Variants in NUP153 observed in about 807,000 individuals in gnomAD.
NUP153 encodes nucleoporin 153.
Under a neutral mutation model 134.6 loss-of-function variants are expected in NUP153, and 27 were observed. The ratio of observed to expected loss-of-function variants is 0.20; its 90% CI spans 0.15 to 0.28. The LOEUF (loss-of-function observed/expected upper bound fraction) is 0.28. NUP153 is among the 10% of genes least tolerant of loss of function. The probability of loss-of-function intolerance (pLI) is 1.00; values close to 1 mark genes in which losing one functional copy is unlikely to be tolerated. For missense variants in NUP153, 1,821 were observed against 1,731.3 expected, an observed-to-expected ratio of 1.05 and a Z score of -0.92; for synonymous variants, 640 against 623.5, an observed-to-expected ratio of 1.03 and a Z score of -0.40.
intron 1 of NUP153, among the ~76,000 whole-genome samples, chr6:17,695,792 G>A (rs1416311769): frequency 4.6e-5 from 7 of 152,130 alleles, no homozygotes; most frequent in Non-Finnish European, 5.9e-5. Context: ...GGCGGATCAT[G>A]AGGTCAGGAG....
intron 14 of NUP153, among the ~76,000 whole-genome samples, chr6:17,640,779 G>C (rs945169737): frequency 3.3e-5 from 5 of 150,422 alleles, no homozygotes; most frequent in Non-Finnish European, 5.9e-5. Flanking sequence ...ACCACATCTA[G>C]CTCATTTTTT....
intron 13 of NUP153, among the ~76,000 whole-genome samples, chr6:17,647,070 T>C (rs974944758): frequency 1.3e-5 from 2 of 152,144 alleles, no homozygotes; most frequent in African/African-American, 4.8e-5. Flanking sequence ...AATGCCATTT[T>C]CTAATAAAAA....
chr6:17,701,844 G>GAA (rs71002249), intron 1 of NUP153, among the ~76,000 whole-genome samples: 19,167 of 81,696 alleles, frequency 0.23, 4,503 homozygotes, highest in South Asian at 0.34. Context: ...GGGGGGGGGG[G>GAA]AAAAAAGCTA....
chr6:17,640,168 A>C (rs1001830299), intron 14 of NUP153, 104 bp from the exon 15 acceptor site: 2 of 896,620 alleles, frequency 2.2e-6, no homozygotes, highest in Admixed American at 3.6e-5. Context: ...TAATTTCTAA[A>C]AGTTCATGAA....
intron 16 of NUP153, among the ~76,000 whole-genome samples, chr6:17,633,277 T>G (rs950751136): frequency 6.6e-6 from 1 of 152,138 alleles, no homozygotes; most frequent in Non-Finnish European, 1.5e-5. Context: ...TCCTAACATA[T>G]AAAATACACA....
intron 9 of NUP153, among the ~76,000 whole-genome samples, chr6:17,663,256 C>CATAT (rs1475153230): frequency 1.7e-5 from 2 of 119,934 alleles, no homozygotes; most frequent in East Asian, 2.3e-4. Context: ...CACACACACA[C>CATAT]ACACATATAT....
Position 17,616,705 on chromosome 6 carries a change from T to C in NUP153, c.4175-10A>G. 2 of 1,605,942 alleles carry C rather than the reference T, an allele frequency of 1.2e-6. No homozygotes were observed. The highest frequency in any genetic ancestry group is 1.1e-5 in the South Asian group (1 of 90,018). On this transcript the variant is annotated splice_polypyrimidine_tract_variant and intron_variant, in intron 20 of 21. Coordinates refer to ENST00000262077, the MANE Select transcript of NUP153 (RefSeq NM_005124.4). ...AACTGGAAAGCCGAACCTGCAATAG[T>C]TAAAGCAGAAATACTTCATTAGGGC...
chr6:17,648,159 AG>A (rs1766310919), intron 12 of NUP153, among the ~76,000 whole-genome samples: 1 of 152,226 alleles, frequency 6.6e-6, no homozygotes, highest in South Asian at 2.1e-4. Context: ...GAATATGTTC[AG>A]AAGAAGTGAA....
chr6:17,649,352 ATC>A, intron 11 of NUP153, 52 bp from the exon 12 acceptor site: 1 of 1,528,974 alleles, frequency 6.5e-7, no homozygotes, highest in East Asian at 2.3e-5. Flanking sequence ...TCATTCTTTT[ATC>A]TCTACTTATT....
intron 20 of NUP153, among the ~76,000 whole-genome samples, chr6:17,622,458 C>T (rs1158946624): frequency 6.6e-6 from 1 of 152,124 alleles, no homozygotes; most frequent in Non-Finnish European, 1.5e-5. Flanking sequence ...AGGTGAGACC[C>T]TGTCTCAAAA....
At chr6:17,664,342 T>A (rs1013004373) in intron 9 of NUP153, among the ~76,000 whole-genome samples, 4 of 152,120 alleles carry the variant, frequency 2.6e-5, no homozygotes, top group African/African-American at 9.7e-5. Context: ...CTAAAACCAC[T>A]GAATTGAAAA....
chr6:17,629,994 G>C (rs1417001245), intron 17 of NUP153, among the ~76,000 whole-genome samples: 1 of 152,138 alleles, frequency 6.6e-6, no homozygotes, highest in Non-Finnish European at 1.5e-5. Flanking sequence ...ATGCAATCCA[G>C]GCAGCTATAA....
rs555545235 is a variant in NUP153, at chr6:17,688,335, G to A, written c.334+61C>T. 4.2e-5 allele frequency: 53 copies of A among 1,258,064 alleles called. No homozygotes were observed. The African/African-American group carries it at 5.7e-4, about 14-fold the overall frequency. 77.9% of individuals were successfully genotyped at this position (1,258,064 alleles called of 1,614,324 possible). A position where few individuals can be genotyped will look rare whatever the true frequency, so the allele number is the denominator to read the frequency against. On this transcript the variant is annotated intron_variant, in intron 2 of 21. Coordinates refer to ENST00000262077, the MANE Select transcript of NUP153 (RefSeq NM_005124.4). ...ATTAGATTTACCATAACTAGGTAGT[G>A]TCTTCAAAATTAGGGCATGAAAACC...
At chr6:17,665,859 G>T (rs534681788) in intron 8 of NUP153, among the ~76,000 whole-genome samples, 82 of 151,550 alleles carry the variant, frequency 5.4e-4, no homozygotes, top group African/African-American at 1.9e-3. Context: ...TAATTTTTTT[G>T]GTTTTTTTTT....
In NUP153 at chr6:17,675,601, T is replaced by C; in HGVS notation, c.504A>G (p.Glu168=). 1 of 1,614,128 alleles carries C rather than the reference T, an allele frequency of 6.2e-7. No homozygotes were observed. The highest frequency in any genetic ancestry group is 8.5e-7 in the Non-Finnish European group (1 of 1,180,008). ...CATGCTGAGAGGTAGAATCTTTAAT[T>C]TCCTTTACAAGGGAAAATCCCGAAC... ...IGSSGFSLVK[E]IKDSTSQHDD... Residue 168 remains glutamate, a synonymous_variant, in exon 3 of 22, where the codon GAA becomes GAG. Coordinates refer to ENST00000262077, the MANE Select transcript of NUP153 (RefSeq NM_005124.4). This position sits in a 1 kb window ranked among gnomAD's most constrained non-coding sequence, Gnocchi z 4.4.
At chr6:17,637,883 C>T in intron 15 of NUP153, 113 bp from the exon 16 acceptor site, 1 of 1,130,270 alleles carries the variant, frequency 8.8e-7, no homozygotes, top group Non-Finnish European at 1.2e-6. Flanking sequence ...TACTACAATC[C>T]AAGATGAACT....
chr6:17,674,746 T>C (rs995799854), intron 5 of NUP153, among the ~76,000 whole-genome samples, 159 bp downstream of exon 5: 3 of 151,860 alleles, frequency 2.0e-5, no homozygotes, highest in Non-Finnish European at 4.4e-5. Context: ...CACTCCAGCC[T>C]GGGCGACAGA....
intron 2 of NUP153, among the ~76,000 whole-genome samples, chr6:17,683,475 A>C (rs1040076909): frequency 1.3e-5 from 2 of 152,216 alleles, no homozygotes; most frequent in African/African-American, 4.8e-5. Context: ...TTGGGTGACC[A>C]AATGCATTGT....
intron 1 of NUP153, among the ~76,000 whole-genome samples, chr6:17,702,841 T>C (rs1535816): frequency 0.98 from 150,021 of 152,314 alleles, 73,914 homozygotes; most frequent in Middle Eastern, 1. Context: ...CCCTTATAAC[T>C]CTTCAGTTAT....
Sources: gnomAD v4.1 joint callset for allele counts (sites outside exome capture counted in the v4.1 genomes callset) on GRCh38, gnomAD v4.1.1 for gene constraint, Gnocchi (gnomAD v3.1) non-coding constraint, MANE v1.5 for transcripts, NCBI Gene and HGNC (gene_info 2026-07-23, HGNC 2026-07-21) for gene names.